ERMARD: variants seen among roughly 807,000 people sequenced by gnomAD.
The protein encoded by ERMARD is ER membrane associated RNA degradation, also known as endoplasmic reticulum membrane-associated RNA degradation protein.
Under a neutral mutation model 83.9 loss-of-function variants are expected in ERMARD, and 71 were observed. The ratio of observed to expected loss-of-function variants is 0.85; its 90% CI spans 0.70 to 1.03. ERMARD has a LOEUF of 1.03. Among genes scored for constraint, ERMARD ranks in the 50% least tolerant of loss-of-function variants. The pLI is 0.00. For synonymous variants in ERMARD, 284 were observed against 298.6 expected (o/e 0.95, Z 0.50); for missense variants, 838 against 810.9 (o/e 1.03, Z -0.41).
chr6:169,765,361 C>T (rs1004582960), intron 9 of ERMARD, among the ~76,000 whole-genome samples: 4 of 152,156 alleles, frequency 2.6e-5, no homozygotes, highest in African/African-American at 9.7e-5. Flanking sequence ...TAAGACACTG[C>T]AGATGCTGTT....
rs1030242324 is a variant in ERMARD at position 169,751,921 on chromosome 6, C to A, written c.6+258C>A. 5.1e-5 allele frequency: 26 copies of A among 508,588 alleles called. 1 individual carries two copies. In the African/African-American group the frequency reaches 5.3e-4, roughly 10 times the overall value. The allele number at this position is 508,588 out of a possible 1,614,324, so 31.5% of individuals were successfully genotyped here. ...TTCTCCGTCGCCTCCTGGCCCTGAG[C>A]TGGAACGCGGCGGACGGTCAGGGAG... On this transcript the variant is annotated intron_variant, in intron 1 of 17. Transcript: ENST00000366773.
chr6:169,781,240 A>T, intron 17 of ERMARD, 90 bp from the exon 18 acceptor site: 1 of 1,203,902 alleles, frequency 8.3e-7, no homozygotes. Context: ...AGTTTACTTT[A>T]GGAATAATTC....
In ERMARD at chr6:169,779,483, T is replaced by TTTTTG. The variant is rs1312692621; in HGVS notation, c.1853+208_1853+212dup. Among the ~76,000 whole-genome samples the TTTTTG allele has an allele frequency of 8.7e-5, 13 of 149,898 alleles. No individual in the cohort carries two copies. The East Asian group carries it at 2.1e-3, about 25-fold the overall frequency. ...ATCCAAATGTCTCAAAACCATGTTT[T>TTTTTG]TTTTGTTTTGTTTTGTTTTGTTTTT... On this transcript the variant is annotated intron_variant, in intron 17 of 17. Transcript: ENST00000366773.
chr6:169,773,150 T>C lies in ERMARD; in HGVS notation c.1234-169T>C, dbSNP rs1003679699. 5.5e-6 allele frequency: 3 copies of C among 547,800 alleles called. No individual in the cohort carries two copies. The African/African-American group carries it at 5.7e-5, about 10-fold the overall frequency. The allele number at this position is 547,800 out of a possible 1,614,324, so 33.9% of individuals were successfully genotyped here. A position where few individuals can be genotyped will look rare whatever the true frequency, so the allele number is the denominator to read the frequency against. On this transcript the variant is annotated intron_variant, in intron 12 of 17. Transcript: ENST00000366773. ...TTAAAATCATTTTATTGGCTGTCAT[T>C]TGCCTGCCATGTCAAGCCTATTTTA...
chr6:169,778,913 G>A (rs182617230), intron 16 of ERMARD, among the ~76,000 whole-genome samples: 17 of 152,340 alleles, frequency 1.1e-4, no homozygotes, highest in Admixed American at 9.1e-4. Flanking sequence ...GCCCCTGGCA[G>A]CCCTGATGTA....
intron 8 of ERMARD, 75 bp from the exon 9 acceptor site, chr6:169,762,354 C>A: frequency 1.5e-6 from 2 of 1,354,624 alleles, no homozygotes; most frequent in Non-Finnish European, 2.1e-6. Context: ...GGATTACAGG[C>A]ATGAGCCACT....
rs144545763 is a variant in ERMARD at position 169,776,631 on chromosome 6, T to A, written c.1697T>A (p.Leu566Gln). 66 of 1,614,068 alleles carry A rather than the reference T, an allele frequency of 4.1e-5. No homozygotes were observed. Among genetic ancestry groups the A allele is most frequent in the Middle Eastern group, 3.3e-4 (2 of 6,034 alleles). The change falls in exon 16 of 18, where the codon CTG becomes CAG. Residue 566 changes from leucine to glutamine, a missense_variant. Physicochemically the swap from Leu to Gln is moderately radical, Grantham distance 113. Coordinates refer to ENST00000366773, the MANE Select transcript of ERMARD (RefSeq NM_018341.3). Reference protein sequence around the residue: ...LRHRQWVERTLRSRQRQNYLR... With the variant: ...LRHRQWVERTQRSRQRQNYLR... ...CACAGGCAGTGGGTGGAAAGGACGCTGCGGTCTCGCCAGCGGCAGAACTAC... is the reference window on the plus strand; with the variant it reads ...CACAGGCAGTGGGTGGAAAGGACGCAGCGGTCTCGCCAGCGGCAGAACTAC...
rs533813494 is a variant in ERMARD at position 169,754,663 on chromosome 6, G to T, written c.176-620G>T. ...TCATATAATGGAATATTATGCAGTG[G>T]TAGAAAAGAATGAGGAGGCTCATCT... On this transcript the variant is annotated intron_variant, in intron 2 of 17. Coordinates refer to ENST00000366773, the MANE Select transcript of ERMARD (RefSeq NM_018341.3). 2.1e-4 allele frequency among the ~76,000 whole-genome samples: 32 copies of T among 152,242 alleles called. No individual in the cohort carries two copies. The East Asian group carries it at 5.0e-3, about 24-fold the overall frequency.
intron 9 of ERMARD, among the ~76,000 whole-genome samples, chr6:169,765,405 T>C (rs962242882): frequency 2.0e-5 from 3 of 152,258 alleles, no homozygotes; most frequent in Admixed American, 2.0e-4. Context: ...TCATGAGGTT[T>C]CTTCAGGACC....
At chr6:169,764,139 T>TC (rs1431587007) in intron 9 of ERMARD, among the ~76,000 whole-genome samples, 8 of 152,168 alleles carry the variant, frequency 5.3e-5, no homozygotes, top group Non-Finnish European at 8.8e-5. Context: ...CTTGTGCTCT[T>TC]CCTGTCCAAA....
At chr6:169,756,474 A>G (rs754930413) in intron 4 of ERMARD, 35 bp downstream of exon 4, 8 of 1,407,798 alleles carry the variant, frequency 5.7e-6, no homozygotes, top group Middle Eastern at 1.8e-4. Context: ...TTGGCCCATT[A>G]AATTATCTGA....
chr6:169,780,295 A>G (rs1437460492), intron 17 of ERMARD, among the ~76,000 whole-genome samples: 3 of 152,314 alleles, frequency 2.0e-5, no homozygotes, highest in African/African-American at 7.2e-5. Context: ...TTTGACAGTC[A>G]AAAGTGCCCT....
At chr6:169,762,216 G>A (rs1791639741) in intron 8 of ERMARD, among the ~76,000 whole-genome samples, 1 of 152,166 alleles carries the variant, frequency 6.6e-6, no homozygotes, top group Non-Finnish European at 1.5e-5. Context: ...CTCCTGTGTA[G>A]CTAGGACTAC....
At chr6:169,769,969 A>G (rs1246115925) in intron 12 of ERMARD, among the ~76,000 whole-genome samples, 2 of 152,242 alleles carry the variant, frequency 1.3e-5, no homozygotes, top group African/African-American at 4.8e-5. Context: ...ACAGCAGCTA[A>G]GTATTGAAAA....
chr6:169,751,354 C>T (rs777618747), upstream of ERMARD: 1 of 1,613,984 alleles, frequency 6.2e-7, no homozygotes, highest in Non-Finnish European at 8.5e-7. Context: ...CCTTCTCGAA[C>T]ATGCTAGGCC....
intron 1 of ERMARD, chr6:169,752,022 C>G (rs1790176855): frequency 3.0e-6 from 1 of 338,056 alleles, no homozygotes; most frequent in Admixed American, 5.1e-5. Flanking sequence ...CCTAGAAGCG[C>G]AGTTTCCTAG....
At position 169,758,981 on chromosome 6, in the gene ERMARD, A is replaced by T; in HGVS notation, c.521A>T (p.Lys174Ile). The T allele has an allele frequency of 6.2e-7, 1 of 1,613,892 alleles. No homozygotes were observed. The highest frequency in any genetic ancestry group is 1.7e-4 in the Middle Eastern group (1 of 6,060). The stretch of plus-strand genomic sequence containing the variant: ...TTTGCGGATTAGATGAATGTGCTAA[A>T]AGTCTTCGTTGGCTCTCCGTGTGGT... ...VFSQSVMNVL[K>I]VFVGSPCGLN... Residue 174 changes from lysine (K) to isoleucine (I), a missense_variant, in exon 6 of 18, where the codon AAA (lysine) becomes ATA (isoleucine). Physicochemically the swap from Lys to Ile is moderately radical, Grantham distance 102. Coordinates refer to ENST00000366773, the MANE Select transcript of ERMARD (RefSeq NM_018341.3).
Sources: gnomAD v4.1 joint callset for allele counts (sites outside exome capture counted in the v4.1 genomes callset) on GRCh38, gnomAD v4.1.1 for gene constraint, MANE v1.5 for transcripts, NCBI Gene and HGNC (gene_info 2026-07-23, HGNC 2026-07-21) for gene names.